TBC1D4: variants seen among roughly 807,000 people sequenced by gnomAD.
TBC1D4 encodes the protein TBC1 domain family member 4, also known as TBC (Tre-2, BUB2, CDC16) domain-containing protein.
A neutral mutation model predicts 142.5 loss-of-function variants in TBC1D4; 121 were observed. That is an observed-to-expected ratio of 0.85 (90% confidence interval 0.73 to 0.99). The LOEUF (loss-of-function observed/expected upper bound fraction) is 0.99, where lower values mean the gene tolerates loss of function less well. TBC1D4 is among the 50% of genes least tolerant of loss of function. The pLI is 0.00. For synonymous variants in TBC1D4, 630 were observed against 628.2 expected, an observed-to-expected ratio of 1.00 and a Z score of -0.04; for missense variants, 1,475 against 1,606.6, an observed-to-expected ratio of 0.92 and a Z score of 1.40.
chr13:75,474,443 C>CAGCT (rs1295665711), intron 1 of TBC1D4, among the ~76,000 whole-genome samples: 1 of 152,104 alleles, frequency 6.6e-6, no homozygotes, highest in East Asian at 1.9e-4. Context: ...CCTGTAGTCC[C>CAGCT]AGCTATTCGG....
At chr13:75,410,426 A>G (rs1885590271) in intron 1 of TBC1D4, among the ~76,000 whole-genome samples, 1 of 152,158 alleles carries the variant, frequency 6.6e-6, no homozygotes, top group Non-Finnish European at 1.5e-5. Flanking sequence ...CCGTCACGCT[A>G]ATGAATTATG....
At chr13:75,436,160 C>G (rs1886791545) in intron 1 of TBC1D4, among the ~76,000 whole-genome samples, 1 of 152,182 alleles carries the variant, frequency 6.6e-6, no homozygotes, top group African/African-American at 2.4e-5. Context: ...GCTCTCCTGC[C>G]TGCCACCATG....
chr13:75,444,063 A>G lies in TBC1D4; in HGVS notation c.498+37207T>C, dbSNP rs542175194. ...ATTGGATATACCCAAAAGCTAAAGA[A>G]CATACATTTAGTTGTGGAGGGAAAG... On this transcript the variant is annotated intron_variant, in intron 1 of 20. Transcript: ENST00000377636. Among the ~76,000 whole-genome samples the G allele has an allele frequency of 8.1e-4, 124 of 152,364 alleles. 1 individual carries two copies. The highest frequency in any genetic ancestry group is 6.6e-3 in the South Asian group (32 of 4,824).
At chr13:75,470,140 A>G (rs1359560799) in intron 1 of TBC1D4, among the ~76,000 whole-genome samples, 2 of 152,116 alleles carry the variant, frequency 1.3e-5, no homozygotes, top group African/African-American at 4.8e-5. Context: ...TTTTTACAAG[A>G]TTGTCTAGAG....
intron 1 of TBC1D4, among the ~76,000 whole-genome samples, chr13:75,436,543 C>T (rs774767770): frequency 6.0e-4 from 91 of 151,986 alleles, no homozygotes; most frequent in Middle Eastern, 3.4e-3. Flanking sequence ...ATAGTCCCAG[C>T]TACTCAGGAG....
intron 1 of TBC1D4, among the ~76,000 whole-genome samples, chr13:75,464,915 C>CT (rs1888108513): frequency 6.6e-6 from 1 of 152,114 alleles, no homozygotes; most frequent in South Asian, 2.1e-4. Flanking sequence ...TAAGTTTCCT[C>CT]TTTTTTTTCC....
intron 1 of TBC1D4, among the ~76,000 whole-genome samples, chr13:75,434,043 T>C (rs1465530000): frequency 6.6e-6 from 1 of 152,136 alleles, no homozygotes; most frequent in Admixed American, 6.6e-5. Context: ...GAAAAGGAAA[T>C]ACTTATTCAC....
chr13:75,401,191 C>G (rs777591017), intron 1 of TBC1D4, among the ~76,000 whole-genome samples: 6 of 152,170 alleles, frequency 3.9e-5, no homozygotes, highest in Admixed American at 2.0e-4. Context: ...CCCCTTCTCC[C>G]TGACCCAGCT....
chr13:75,390,349 T>C (rs1330850524), intron 1 of TBC1D4, among the ~76,000 whole-genome samples: 1 of 150,996 alleles, frequency 6.6e-6, no homozygotes, highest in Non-Finnish European at 1.5e-5. Flanking sequence ...CAGTCAGGTC[T>C]CAATGGTCAA....
At chr13:75,449,568 C>T (rs1342091217) in intron 1 of TBC1D4, among the ~76,000 whole-genome samples, 1 of 151,588 alleles carries the variant, frequency 6.6e-6, no homozygotes, top group Non-Finnish European at 1.5e-5. Flanking sequence ...CGCGCACACA[C>T]ACAGTTTTAA....
intron 1 of TBC1D4, among the ~76,000 whole-genome samples, chr13:75,476,393 T>C (rs1888632437): frequency 6.6e-6 from 1 of 152,246 alleles, no homozygotes; most frequent in Non-Finnish European, 1.5e-5. Flanking sequence ...TTTCCACCTG[T>C]AGTGTCATGT....
At chr13:75,409,127 C>T (rs1014932001) in intron 1 of TBC1D4, among the ~76,000 whole-genome samples, 1 of 151,870 alleles carries the variant, frequency 6.6e-6, no homozygotes, top group Admixed American at 6.6e-5. Context: ...CTTCAAGAAA[C>T]CTTTTGTTTA....
At chr13:75,472,105 T>G (rs1425540209) in intron 1 of TBC1D4, among the ~76,000 whole-genome samples, 1 of 16,142 alleles carries the variant, frequency 6.2e-5, no homozygotes, top group African/African-American at 2.4e-4. Flanking sequence ...AGACTCTGTC[T>G]CAAAAAAAAA....
At chr13:75,356,310 C>A in intron 3 of TBC1D4, 59 bp from the exon 4 acceptor site, 1 of 1,210,292 alleles carries the variant, frequency 8.3e-7, no homozygotes, top group Non-Finnish European at 1.2e-6. Flanking sequence ...TTTTACTCAA[C>A]AATATGGAAA....
chr13:75,424,249 G>C (rs528402241), intron 1 of TBC1D4, among the ~76,000 whole-genome samples: 2 of 144,724 alleles, frequency 1.4e-5, no homozygotes, highest in Non-Finnish European at 3.0e-5. Context: ...TTCCTGCCTA[G>C]GTAACAGAGT....
chr13:75,305,963 T>TATATACACATACAA, intron 15 of TBC1D4, among the ~76,000 whole-genome samples: 1 of 152,198 alleles, frequency 6.6e-6, no homozygotes, highest in Admixed American at 6.5e-5. Flanking sequence ...TACACAGTCA[T>TATATACACATACAA]GTAAATATAC....
chr13:75,404,432 T>C (rs1026934191), intron 1 of TBC1D4, among the ~76,000 whole-genome samples: 1 of 152,230 alleles, frequency 6.6e-6, no homozygotes, highest in Admixed American at 6.5e-5. Context: ...TATGTCTCCC[T>C]AAGCTCCTCT....
intron 1 of TBC1D4, among the ~76,000 whole-genome samples, chr13:75,445,682 T>C (rs1887253351): frequency 2.0e-5 from 3 of 152,192 alleles, no homozygotes; most frequent in Admixed American, 2.0e-4. Flanking sequence ...TGGCAAAGCT[T>C]ACAATTTACC....
intron 4 of TBC1D4, among the ~76,000 whole-genome samples, chr13:75,349,655 G>A (rs1487847170): frequency 6.6e-6 from 1 of 152,280 alleles, no homozygotes; most frequent in Non-Finnish European, 1.5e-5. Flanking sequence ...CCTTTTGGAA[G>A]TTTTGTCTGC....
Sources: allele counts gnomAD v4.1 joint callset (sites outside exome capture counted in the v4.1 genomes callset), GRCh38; gene constraint gnomAD v4.1.1; transcripts MANE v1.5; gene names NCBI Gene and HGNC (gene_info 2026-07-23, HGNC 2026-07-21).